Variants in OGG1 observed in about 807,000 individuals in gnomAD.
OGG1 encodes the protein 8-oxoguanine DNA glycosylase.
Under a neutral mutation model 42.3 loss-of-function variants are expected in OGG1, and 35 were observed. The ratio of observed to expected loss-of-function variants is 0.83; its 90% CI spans 0.63 to 1.10. The LOEUF (loss-of-function observed/expected upper bound fraction) is 1.10. OGG1 is among the 50% of genes least tolerant of loss of function. The probability of loss-of-function intolerance (pLI) is 0.00; values close to 1 mark genes in which losing one functional copy is unlikely to be tolerated. For synonymous variants in OGG1, 189 were observed against 179.0 expected (o/e 1.06, Z -0.44); for missense variants, 484 against 446.7 (o/e 1.08, Z -0.75).
At chr3:9,767,824 C>G, downstream of OGG1, 1 of 1,587,408 alleles carries the variant, frequency 6.3e-7, no homozygotes, top group South Asian at 1.1e-5. Flanking sequence ...GAGCCCAGCC[C>G]TCTGTCTGGG....
chr3:9,752,707 T>C (rs533841952), intron 3 of OGG1, among the ~76,000 whole-genome samples: 1 of 152,292 alleles, frequency 6.6e-6, no homozygotes, highest in South Asian at 2.1e-4. Flanking sequence ...GGGAACTGCA[T>C]AGCAAAGAGA....
chr3:9,758,198 A>G, downstream of OGG1: 1 of 174,344 alleles, frequency 5.7e-6, no homozygotes, highest in Non-Finnish European at 1.2e-5. Context: ...GGTAGGTACT[A>G]TTATCATTTT....
At chr3:9,785,849 T>C (rs1430743473) in intron 3 of OGG1, among the ~76,000 whole-genome samples, 2 of 152,206 alleles carry the variant, frequency 1.3e-5, no homozygotes, top group African/African-American at 4.8e-5. Context: ...ATGTGACAAG[T>C]TCTCTCCAGG....
chr3:9,767,945 A>G, downstream of OGG1: 1 of 727,384 alleles, frequency 1.4e-6, no homozygotes, highest in Non-Finnish European at 1.7e-6. Flanking sequence ...ACATTCAGCA[A>G]ATTCTCATGC....
chr3:9,750,281 G>C lies in OGG1; in HGVS notation c.-6G>C, dbSNP rs369138575. ...GGGCTACTACGGGGCGGTGCCTGCT[G>C]TGGAAATGCCTGCCCGCGCGCTTCT... On this transcript the variant is annotated 5_prime_UTR_variant, in exon 1 of 7. Coordinates refer to ENST00000344629, the MANE Select transcript of OGG1 (RefSeq NM_002542.6). 6.2e-7 allele frequency: 1 copy of C among 1,609,136 alleles called. No individual in the cohort carries two copies.
chr3:9,762,986 G>A, intron 7 of OGG1: 1 of 1,614,166 alleles, frequency 6.2e-7, no homozygotes. Context: ...AGATGAGGCG[G>A]CTGGCGTCCC....
At chr3:9,760,096 T>C, downstream of OGG1, 1 of 222,078 alleles carries the variant, frequency 4.5e-6, no homozygotes, top group Admixed American at 5.0e-5. Context: ...CAAAAAAAAT[T>C]AGCCGGGCAT....
chr3:9,765,792 C>A (rs1315829208), intron 7 of OGG1: 7 of 1,614,060 alleles, frequency 4.3e-6, no homozygotes, highest in Middle Eastern at 3.3e-4. Context: ...CTCCATGCTG[C>A]CTTCCTTGCC....
At chr3:9,789,591 T>C (rs1575308431), downstream of OGG1, 1 of 1,614,142 alleles carries the variant, frequency 6.2e-7, no homozygotes, top group South Asian at 1.1e-5. Context: ...GTCAGCACAG[T>C]AGGGCTCCAC....
exon 4 of OGG1, chr3:9,787,949 G>A (rs1201206303): frequency 8.4e-6 from 3 of 355,774 alleles, no homozygotes; most frequent in Non-Finnish European, 1.7e-5. Context: ...GGAGGCTGTG[G>A]TGTCCTGGAA....
At chr3:9,757,586 C>G, downstream of OGG1, 1 of 1,614,166 alleles carries the variant, frequency 6.2e-7, no homozygotes, top group Non-Finnish European at 8.5e-7. The surrounding 1 kb of genome is among the most constrained non-coding windows in gnomAD (Gnocchi z 4.5). Context: ...CCCGGCTCCA[C>G]GCAGCAGTCT....
chr3:9,787,622 C>A, intron 3 of OGG1: 1 of 1,257,848 alleles, frequency 8.0e-7, no homozygotes, highest in South Asian at 1.3e-5. Flanking sequence ...TCTCAGGTCA[C>A]AGCAATTGCC....
At position 9,750,090 on chromosome 3, in the gene OGG1, A is replaced by C. The variant is rs2077223847; in HGVS notation, c.-197A>C. Reference sequence around the variant, plus strand: ...GGAAAGCCGGAGAATTGGGGCACGAAGCGGGGCTTTGATGACCCGCAAAGG... The same window carrying C: ...GGAAAGCCGGAGAATTGGGGCACGACGCGGGGCTTTGATGACCCGCAAAGG... On this transcript the variant is annotated 5_prime_UTR_variant, in exon 1 of 7. Coordinates refer to ENST00000344629, the MANE Select transcript of OGG1 (RefSeq NM_002542.6). The C allele has an allele frequency of 2.9e-6, 2 of 679,086 alleles. No homozygotes were observed. Among genetic ancestry groups the C allele is most frequent in the East Asian group, 5.5e-5 (2 of 36,552 alleles). 42.1% of individuals were successfully genotyped at this position (679,086 alleles called of 1,614,324 possible).
downstream of OGG1, among the ~76,000 whole-genome samples, chr3:9,788,808 G>T (rs992989727): frequency 6.6e-6 from 1 of 151,454 alleles, no homozygotes; most frequent in African/African-American, 2.4e-5. Context: ...CCAAAGTGTT[G>T]GGATTACAGG....
chr3:9,752,210 G>A (rs2077334208), intron 3 of OGG1: 2 of 531,686 alleles, frequency 3.8e-6, no homozygotes, highest in African/African-American at 3.8e-5. Context: ...ACAGTAGTTT[G>A]GGGTTAAGAG....
chr3:9,783,915 A>G (rs2078541200), intron 3 of OGG1: 2 of 1,418,440 alleles, frequency 1.4e-6, no homozygotes, highest in Admixed American at 5.5e-5. Context: ...TCTCCAGGTG[A>G]TTTAGAGGCC....
chr3:9,764,318 G>A (rs144451355), intron 7 of OGG1, among the ~76,000 whole-genome samples: 5 of 152,030 alleles, frequency 3.3e-5, no homozygotes, highest in South Asian at 2.1e-4. Context: ...TTTTTGAGAC[G>A]GAGTTTTACT....
At chr3:9,777,776 CTG>C (rs1416234744) in intron 2 of OGG1, among the ~76,000 whole-genome samples, 1 of 152,210 alleles carries the variant, frequency 6.6e-6, no homozygotes, top group Non-Finnish European at 1.5e-5. Flanking sequence ...CTCCACAAAA[CTG>C]TCTCTGTTCT....
intron 2 of OGG1, among the ~76,000 whole-genome samples, chr3:9,777,145 T>C (rs2078375194): frequency 1.3e-5 from 2 of 152,232 alleles, no homozygotes; most frequent in South Asian, 4.1e-4. Context: ...TCACTCACCC[T>C]GGTGTTGCTG....
Sources: allele counts gnomAD v4.1 joint callset (sites outside exome capture counted in the v4.1 genomes callset), GRCh38; gene constraint gnomAD v4.1.1; non-coding constraint Gnocchi (gnomAD v3.1); transcripts MANE v1.5; gene names NCBI Gene and HGNC (gene_info 2026-07-23, HGNC 2026-07-21).